The following CSTF1 variants were observed in gnomAD, a reference collection of about 807,000 sequenced individuals.
CSTF1 encodes CF-1 50 kDa subunit.
Under a neutral mutation model 40.9 loss-of-function variants are expected in CSTF1, and 2 were observed. That is an observed-to-expected ratio of 0.05 (90% CI 0.02 to 0.15). CSTF1 has a LOEUF of 0.15. CSTF1 is among the 10% of genes least tolerant of loss of function. The pLI, the probability that CSTF1 is intolerant of heterozygous loss-of-function variation, is 1.00. For missense variants in CSTF1, 279 were observed against 558.9 expected (o/e 0.50, Z 5.05); for synonymous variants, 218 against 207.2 (o/e 1.05, Z -0.45).
At chr20:56,401,123 T>C (rs1373072735) in intron 5 of CSTF1, among the ~76,000 whole-genome samples, 1 of 152,048 alleles carries the variant, frequency 6.6e-6, no homozygotes, top group Admixed American at 6.6e-5. Context: ...ACTTTAGAAA[T>C]TGGGATGCAA....
intron 2 of CSTF1, among the ~76,000 whole-genome samples, chr20:56,396,665 A>G (rs1382210782): frequency 1.3e-5 from 2 of 152,148 alleles, no homozygotes; most frequent in East Asian, 3.8e-4. Flanking sequence ...GTTCATCCAT[A>G]GTGTTAATTT....
At chr20:56,401,596 A>G (rs1978455796) in intron 5 of CSTF1, among the ~76,000 whole-genome samples, 1 of 152,244 alleles carries the variant, frequency 6.6e-6, no homozygotes, top group Non-Finnish European at 1.5e-5. Flanking sequence ...GCACATGCCC[A>G]TAAAAGGATG....
intron 2 of CSTF1, chr20:56,395,989 T>G (rs1297255823): frequency 1.9e-5 from 6 of 315,374 alleles, no homozygotes; most frequent in African/African-American, 2.1e-5. Context: ...ATTACTGACT[T>G]CCTTCAGATT....
At chr20:56,393,821 A>T (rs751930693) in intron 1 of CSTF1, among the ~76,000 whole-genome samples, 1 of 152,098 alleles carries the variant, frequency 6.6e-6, no homozygotes, top group Non-Finnish European at 1.5e-5. Context: ...ATTCGTGACA[A>T]TTGAGGTATT....
intron 5 of CSTF1, among the ~76,000 whole-genome samples, chr20:56,402,682 A>G (rs981323214): frequency 2.0e-5 from 3 of 152,218 alleles, no homozygotes; most frequent in African/African-American, 7.2e-5. Context: ...CACACCTGTA[A>G]TCCCAGCACT....
chr20:56,403,279 G>A (rs1978546839), intron 5 of CSTF1, among the ~76,000 whole-genome samples, 189 bp from the exon 6 acceptor site: 2 of 151,794 alleles, frequency 1.3e-5, no homozygotes, highest in Admixed American at 6.6e-5. Flanking sequence ...GCCTCCCAAA[G>A]TACTGGGATT....
Position 56,395,552 on chromosome 20 carries a change from G to C in CSTF1, c.-1G>C. 6.2e-7 allele frequency: 1 copy of C among 1,611,904 alleles called. No homozygotes were observed. The highest frequency in any genetic ancestry group is 8.5e-7 in the Non-Finnish European group (1 of 1,179,040). On this transcript the variant is annotated 5_prime_UTR_variant, in exon 2 of 6. Transcript: ENST00000217109. ...GGGAAACTGTCTTCCTTTTCTCCAA[G>C]ATGTACAGAACCAAAGTGGGCTTGA... is the stretch of plus-strand genomic sequence containing the variant.
chr20:56,398,728 A>G (rs975211679), intron 4 of CSTF1, among the ~76,000 whole-genome samples: 1 of 152,234 alleles, frequency 6.6e-6, no homozygotes, highest in African/African-American at 2.4e-5. Context: ...TTCATTTGTA[A>G]ATAATGAAGC....
chr20:56,400,018 G>A (rs537950636), intron 5 of CSTF1, among the ~76,000 whole-genome samples: 2 of 152,296 alleles, frequency 1.3e-5, no homozygotes, highest in South Asian at 4.1e-4. Flanking sequence ...TCTGTTCCTT[G>A]TAGCAGCAAA....
chr20:56,403,101 T>TA, intron 5 of CSTF1, among the ~76,000 whole-genome samples: 1 of 152,260 alleles, frequency 6.6e-6, no homozygotes, highest in South Asian at 2.1e-4. Flanking sequence ...TATGTATTTT[T>TA]AAAATGTGTT....
chr20:56,393,818 A>C (rs1987413217), intron 1 of CSTF1, among the ~76,000 whole-genome samples: 1 of 152,130 alleles, frequency 6.6e-6, no homozygotes, highest in African/African-American at 2.4e-5. Flanking sequence ...AGGATTCGTG[A>C]CAATTGAGGT....
rs577078755 is a variant in CSTF1, at chr20:56,406,089, T to C, written c.*2362T>C. On this transcript the variant is annotated 3_prime_UTR_variant, in exon 6 of 6. Coordinates refer to ENST00000217109, the MANE Select transcript of CSTF1 (RefSeq NM_001324.3). ...AAGATACTTTTATGTGTTTCAGAAG[T>C]AGCTGTTTTTTCATTTTTTGTGGGT... 48 of 150,932 alleles carry C rather than the reference T, an allele frequency of 3.2e-4. No homozygotes were observed. Among genetic ancestry groups the C allele is most frequent in the African/African-American group, 1.1e-3 (46 of 40,432 alleles). 9.3% of individuals were successfully genotyped at this position (150,932 alleles called of 1,614,324 possible).
In CSTF1 at chr20:56,403,832, C is replaced by A; in HGVS notation, c.*105C>A. On this transcript the variant is annotated 3_prime_UTR_variant, in exon 6 of 6. Transcript: ENST00000217109. ...GTGCACCATCCTTGACGTTTTGCTGCCACCTCTGTCCACATTCTTCTTGGA... is the reference window on the plus strand; with the variant it reads ...GTGCACCATCCTTGACGTTTTGCTGACACCTCTGTCCACATTCTTCTTGGA... 1 of 1,048,348 alleles carries A rather than the reference C, an allele frequency of 9.5e-7. No homozygotes were observed. The highest frequency in any genetic ancestry group is 1.4e-6 in the Non-Finnish European group (1 of 714,156). The allele number at this position is 1,048,348 out of a possible 1,614,324, so 64.9% of individuals were successfully genotyped here.
chr20:56,400,067 T>C (rs1978386985), intron 5 of CSTF1, among the ~76,000 whole-genome samples: 1 of 152,224 alleles, frequency 6.6e-6, no homozygotes, highest in Non-Finnish European at 1.5e-5. Context: ...AAATTTCTGA[T>C]TGTTTCTTCC....
chr20:56,395,821 A>AT (rs1987503132), intron 2 of CSTF1, 100 bp downstream of exon 2: 1 of 1,292,270 alleles, frequency 7.7e-7, no homozygotes, highest in African/African-American at 1.5e-5. Flanking sequence ...TTCAGTACCT[A>AT]GTATGAGCCG....
upstream of CSTF1, chr20:56,392,642 G>A (rs981383110): frequency 6.6e-5 from 10 of 152,296 alleles, no homozygotes; most frequent in Non-Finnish European, 5.9e-5. Flanking sequence ...CGCTCGGAGC[G>A]GTAGATTGGG....
At chr20:56,401,369 T>C (rs1978444432) in intron 5 of CSTF1, among the ~76,000 whole-genome samples, 1 of 152,188 alleles carries the variant, frequency 6.6e-6, no homozygotes, top group South Asian at 2.1e-4. Context: ...GAAATGAATA[T>C]GGGGACCTGG....
Position 56,397,960 on chromosome 20 carries a change from A to T in CSTF1, c.645+119A>T. 1.3e-6 allele frequency: 1 copy of T among 776,278 alleles called. No individual in the cohort carries two copies. Among genetic ancestry groups the T allele is most frequent in the Non-Finnish European group, 2.0e-6 (1 of 488,672 alleles). 48.1% of individuals were successfully genotyped at this position (776,278 alleles called of 1,614,324 possible). On this transcript the variant is annotated intron_variant, in intron 4 of 5. Transcript: ENST00000217109. This position sits in a 1 kb window ranked among gnomAD's most constrained non-coding sequence, Gnocchi z 4.4. ...TCCTGTAAGATGCGTACAGACCAGG[A>T]TGCATGCCCGATGGCACATGGATCA...
At chr20:56,398,924 G>T (rs764789249) in intron 4 of CSTF1, 43 bp from the exon 5 acceptor site, 1 of 1,509,592 alleles carries the variant, frequency 6.6e-7, no homozygotes, top group Admixed American at 2.1e-5. Context: ...GGATTTAATT[G>T]TTCACCAGTT....
Sources: allele counts gnomAD v4.1 joint callset (sites outside exome capture counted in the v4.1 genomes callset), GRCh38; gene constraint gnomAD v4.1.1; non-coding constraint Gnocchi (gnomAD v3.1); transcripts MANE v1.5; gene names NCBI Gene and HGNC (gene_info 2026-07-23, HGNC 2026-07-21).